The following DCLK1 variants were observed in gnomAD, a reference collection of about 807,000 sequenced individuals.
The protein encoded by DCLK1 is serine/threonine-protein kinase DCLK1.
DCLK1 carries 16 observed loss-of-function variants against 86.2 expected under a neutral mutation model. That is an observed-to-expected ratio of 0.19 (90% CI 0.13 to 0.28). DCLK1 has a LOEUF of 0.28. DCLK1 is among the 10% of genes least tolerant of loss of function. DCLK1 has a pLI of 1.00. For synonymous variants in DCLK1, 369 were observed against 370.5 expected, an observed-to-expected ratio of 1.00 and a Z score of 0.05; for missense variants, 590 against 940.2, an observed-to-expected ratio of 0.63 and a Z score of 4.87.
At chr13:35,867,961 GAA>G (rs1491269743) in intron 5 of DCLK1, among the ~76,000 whole-genome samples, 218 of 147,236 alleles carry the variant, frequency 1.5e-3, no homozygotes, top group African/African-American at 1.8e-3. Flanking sequence ...AAGAAAGAAA[GAA>G]AGAGAAAAAG....
chr13:36,083,747 T>C (rs527611391), intron 3 of DCLK1, among the ~76,000 whole-genome samples: 3 of 152,322 alleles, frequency 2.0e-5, no homozygotes, highest in South Asian at 4.1e-4. Flanking sequence ...AGACCCACTT[T>C]GTGACATCCA....
intron 16 of DCLK1, among the ~76,000 whole-genome samples, chr13:35,789,940 G>T (rs78635542): frequency 0.029 from 4,349 of 151,420 alleles, 223 homozygotes; most frequent in African/African-American, 0.1. Context: ...GGACAATGGC[G>T]TCTCTCTGAG....
At chr13:36,081,666 C>T (rs888958034) in intron 3 of DCLK1, among the ~76,000 whole-genome samples, 3 of 152,128 alleles carry the variant, frequency 2.0e-5, no homozygotes, top group African/African-American at 7.2e-5. Flanking sequence ...ACCTCCTGCA[C>T]TCAACCCCAG....
chr13:36,113,239 C>T (rs189523988), intron 2 of DCLK1, among the ~76,000 whole-genome samples: 68 of 152,246 alleles, frequency 4.5e-4, no homozygotes, highest in African/African-American at 1.6e-3. Context: ...TGCAAGCATC[C>T]AAGGCCAAAG....
intron 3 of DCLK1, among the ~76,000 whole-genome samples, chr13:35,982,601 C>T (rs1262386904): frequency 6.6e-6 from 1 of 152,058 alleles, no homozygotes; most frequent in Non-Finnish European, 1.5e-5. Context: ...CAAAGCAAAA[C>T]AAAAATTACT....
intron 11 of DCLK1, among the ~76,000 whole-genome samples, chr13:35,822,442 G>A (rs532165940): frequency 1.3e-5 from 2 of 152,116 alleles, no homozygotes; most frequent in East Asian, 3.9e-4. Context: ...GTAACTTGTC[G>A]CTATCTTGTC....
intron 4 of DCLK1, among the ~76,000 whole-genome samples, chr13:35,934,093 C>T (rs1876620340): frequency 6.6e-6 from 1 of 152,154 alleles, no homozygotes; most frequent in Admixed American, 6.5e-5. Context: ...AAAATGCTGT[C>T]AGTCTCTGCT....
At chr13:35,990,392 T>A (rs1443088012) in intron 3 of DCLK1, among the ~76,000 whole-genome samples, 1 of 152,088 alleles carries the variant, frequency 6.6e-6, no homozygotes, top group Non-Finnish European at 1.5e-5. Flanking sequence ...GGGGGCGCTC[T>A]TTGATGCTCC....
chr13:35,878,085 T>G (rs1872686380), intron 4 of DCLK1, among the ~76,000 whole-genome samples: 1 of 152,150 alleles, frequency 6.6e-6, no homozygotes. Flanking sequence ...CCAGCTTCCT[T>G]CTGAGCACCC....
intron 4 of DCLK1, among the ~76,000 whole-genome samples, chr13:35,927,470 T>C (rs1876187651): frequency 6.6e-6 from 1 of 152,240 alleles, no homozygotes. Context: ...CCAAAGTCTC[T>C]GATAAGTTCA....
At chr13:35,937,818 G>C (rs539454418) in intron 4 of DCLK1, among the ~76,000 whole-genome samples, 10 of 152,260 alleles carry the variant, frequency 6.6e-5, no homozygotes, top group African/African-American at 2.4e-4. Context: ...AGAAGTGGAG[G>C]CTTCAAGGAC....
intron 3 of DCLK1, among the ~76,000 whole-genome samples, chr13:36,032,439 C>T (rs1882321247): frequency 6.6e-6 from 1 of 152,146 alleles, no homozygotes; most frequent in South Asian, 2.1e-4. Context: ...CCACTGCGCC[C>T]AGCCCAGTTT....
At chr13:35,899,372 A>T (rs5008559) in intron 4 of DCLK1, among the ~76,000 whole-genome samples, 87,370 of 122,826 alleles carry the variant, frequency 0.71, 28,705 homozygotes, top group Non-Finnish European at 0.77. Context: ...TGTGTGTGAG[A>T]GAGAGAGAGA....
intron 3 of DCLK1, among the ~76,000 whole-genome samples, chr13:36,040,811 T>G (rs1405132848): frequency 6.6e-6 from 1 of 152,198 alleles, no homozygotes; most frequent in Non-Finnish European, 1.5e-5. Context: ...TACTTTATAC[T>G]TTGGGTTATA....
intron 3 of DCLK1, among the ~76,000 whole-genome samples, chr13:36,073,456 C>T (rs1180372490): frequency 6.6e-6 from 1 of 151,928 alleles, no homozygotes; most frequent in Non-Finnish European, 1.5e-5. Flanking sequence ...GAGGGTAAGA[C>T]AAGAGTCTCA....
chr13:35,925,761 C>T (rs559840292), intron 4 of DCLK1, among the ~76,000 whole-genome samples: 2 of 152,024 alleles, frequency 1.3e-5, no homozygotes, highest in East Asian at 3.9e-4. Flanking sequence ...ACCATTCTGA[C>T]CTATTTGCTG....
intron 4 of DCLK1, among the ~76,000 whole-genome samples, chr13:35,892,800 C>T (rs1873725446): frequency 6.6e-6 from 1 of 152,116 alleles, no homozygotes; most frequent in African/African-American, 2.4e-5. Context: ...TCTGGTAGCC[C>T]CTCCTGTTAA....
intron 3 of DCLK1, among the ~76,000 whole-genome samples, chr13:35,958,973 A>G (rs1878299635): frequency 6.6e-6 from 1 of 152,214 alleles, no homozygotes; most frequent in Admixed American, 6.5e-5. Flanking sequence ...ACAGCTAATA[A>G]AAGGTTGAGA....
At chr13:36,099,611 C>T (rs1196306448) in intron 3 of DCLK1, among the ~76,000 whole-genome samples, 1 of 152,178 alleles carries the variant, frequency 6.6e-6, no homozygotes, top group African/African-American at 2.4e-5. Context: ...CATGCTGAAT[C>T]GATGTTTCCG....
Sources: gnomAD v4.1 joint callset for allele counts (sites outside exome capture counted in the v4.1 genomes callset) on GRCh38, gnomAD v4.1.1 for gene constraint, MANE v1.5 for transcripts, NCBI Gene and HGNC (gene_info 2026-07-23, HGNC 2026-07-21) for gene names.